The following NRXN1 variants were observed in gnomAD, a reference collection of about 807,000 sequenced individuals.
NRXN1 encodes the protein neurexin 1, also known as neurexin-1.
NRXN1 carries 39 observed loss-of-function variants against 150.9 expected under a neutral mutation model. The ratio of observed to expected loss-of-function variants is 0.26; its 90% CI spans 0.20 to 0.34. NRXN1 has a LOEUF of 0.34. NRXN1 is among the 10% of genes least tolerant of loss of function. The pLI, the probability that NRXN1 is intolerant of heterozygous loss-of-function variation, is 1.00. For missense variants in NRXN1, 1,815 were observed against 1,949.9 expected, an observed-to-expected ratio of 0.93 and a Z score of 1.30; for synonymous variants, 924 against 757.0, an observed-to-expected ratio of 1.22 and a Z score of -3.62.
intron 5 of NRXN1, among the ~76,000 whole-genome samples, chr2:50,735,709 C>G (rs80128776): frequency 3.6e-4 from 55 of 152,228 alleles, no homozygotes; most frequent in Non-Finnish European, 6.5e-4. Context: ...CCAAATGGCT[C>G]ACAAACACAC....
intron 2 of NRXN1, among the ~76,000 whole-genome samples, chr2:50,965,718 A>C (rs1693959677): frequency 6.6e-6 from 1 of 151,478 alleles, no homozygotes; most frequent in African/African-American, 2.4e-5. Context: ...AGAAATTAGC[A>C]GGTCCTAACA....
intron 8 of NRXN1, among the ~76,000 whole-genome samples, chr2:50,617,819 C>G (rs933177283): frequency 6.6e-6 from 1 of 152,076 alleles, no homozygotes; most frequent in Admixed American, 6.6e-5. Flanking sequence ...CTTTATTTAT[C>G]AATTCATAAA....
At chr2:50,226,991 A>C (rs2064446711) in intron 18 of NRXN1, among the ~76,000 whole-genome samples, 1 of 151,948 alleles carries the variant, frequency 6.6e-6, no homozygotes, top group Non-Finnish European at 1.5e-5. Flanking sequence ...AGGAATACTA[A>C]AGTGCACGAA....
chr2:50,158,105 G>GTGTA (rs1465508775), intron 18 of NRXN1, among the ~76,000 whole-genome samples: 10 of 138,260 alleles, frequency 7.2e-5, no homozygotes, highest in Non-Finnish European at 1.6e-4. Context: ...GTGTGTGTGT[G>GTGTA]TGTAGGGGGA....
At chr2:50,792,164 G>T (rs1178097798) in intron 5 of NRXN1, among the ~76,000 whole-genome samples, 2 of 152,032 alleles carry the variant, frequency 1.3e-5, no homozygotes, top group South Asian at 4.1e-4. Flanking sequence ...AATCTCTCTG[G>T]ATATTTATGT....
chr2:50,866,277 T>G (rs1676928594), intron 5 of NRXN1, among the ~76,000 whole-genome samples: 1 of 152,080 alleles, frequency 6.6e-6, no homozygotes, highest in South Asian at 2.1e-4. Flanking sequence ...TTTCAGTTAA[T>G]GTGAAATAAA....
At chr2:50,073,087 G>A (rs764888410) in intron 19 of NRXN1, among the ~76,000 whole-genome samples, 1 of 152,172 alleles carries the variant, frequency 6.6e-6, no homozygotes, top group Non-Finnish European at 1.5e-5. Flanking sequence ...GGAAGAACTT[G>A]ATCTTGAATT....
intron 8 of NRXN1, among the ~76,000 whole-genome samples, chr2:50,567,053 G>A (rs1208347847): frequency 1.3e-5 from 2 of 152,100 alleles, no homozygotes; most frequent in African/African-American, 4.8e-5. Context: ...CTCTCTTGAT[G>A]TCAGGATAAT....
chr2:50,687,331 G>A (rs2104846311), intron 5 of NRXN1, among the ~76,000 whole-genome samples: 1 of 152,214 alleles, frequency 6.6e-6, no homozygotes, highest in East Asian at 1.9e-4. Flanking sequence ...CTACATTCCT[G>A]TCTTCCTACA....
chr2:50,489,851 C>T (rs899467605), intron 15 of NRXN1, among the ~76,000 whole-genome samples: 1 of 150,560 alleles, frequency 6.6e-6, no homozygotes, highest in African/African-American at 2.5e-5. Flanking sequence ...GGGAAGAACT[C>T]CCAAACCAAA....
rs866608279 is a variant in NRXN1, at chr2:50,649,257, C to T, written c.833-25642G>A. ...ACAAGCATGTATACACACATACACACATACACACACACACACACACACACA... is the reference window on the plus strand; with the variant it reads ...ACAAGCATGTATACACACATACACATATACACACACACACACACACACACA... On this transcript the variant is annotated intron_variant, in intron 5 of 22. Transcript: ENST00000401669. Among the ~76,000 whole-genome samples, 125 of 92,730 alleles carry T rather than the reference C, an allele frequency of 1.3e-3. 1 individual carries two copies. The highest frequency in any genetic ancestry group is 4.6e-3 in the African/African-American group (118 of 25,476). 60.8% of individuals were successfully genotyped at this position (92,730 alleles called of 152,430 possible). A position where few individuals can be genotyped will look rare whatever the true frequency, so the allele number is the denominator to read the frequency against.
At chr2:50,440,811 C>G (rs2085886891) in intron 17 of NRXN1, among the ~76,000 whole-genome samples, 2 of 152,082 alleles carry the variant, frequency 1.3e-5, no homozygotes, top group Admixed American at 6.6e-5. Context: ...CTATCATGAT[C>G]TTTATGTTTA....
At chr2:50,221,333 T>C (rs567030439) in intron 18 of NRXN1, among the ~76,000 whole-genome samples, 14 of 152,174 alleles carry the variant, frequency 9.2e-5, no homozygotes, top group African/African-American at 3.4e-4. Context: ...CTCAGTACCA[T>C]GTGTTACCAC....
At chr2:50,161,497 G>A (rs1456937648) in intron 18 of NRXN1, among the ~76,000 whole-genome samples, 1 of 152,104 alleles carries the variant, frequency 6.6e-6, no homozygotes, top group African/African-American at 2.4e-5. Context: ...TTGGGTAAGG[G>A]GCATCCTTAC....
At chr2:50,335,818 A>G (rs1250389121) in intron 17 of NRXN1, among the ~76,000 whole-genome samples, 1 of 151,178 alleles carries the variant, frequency 6.6e-6, no homozygotes, top group African/African-American at 2.5e-5. Context: ...AAATCAGTCT[A>G]GAATGATAAG....
At chr2:50,546,079 C>T (rs2093487238) in intron 9 of NRXN1, among the ~76,000 whole-genome samples, 1 of 151,998 alleles carries the variant, frequency 6.6e-6, no homozygotes, top group Non-Finnish European at 1.5e-5. Flanking sequence ...GGGGCCGGGC[C>T]GACTGTATAC....
intron 2 of NRXN1, among the ~76,000 whole-genome samples, chr2:50,956,418 T>C (rs541630567): frequency 6.6e-6 from 1 of 152,212 alleles, no homozygotes; most frequent in South Asian, 2.1e-4. Context: ...AGCTACTTAC[T>C]CACTAACGTG....
At chr2:50,418,487 C>G (rs1054268546) in intron 17 of NRXN1, among the ~76,000 whole-genome samples, 2 of 151,982 alleles carry the variant, frequency 1.3e-5, no homozygotes, top group Non-Finnish European at 2.9e-5. Context: ...GTGACTGGAA[C>G]GGAGAAAGGG....
chr2:50,610,901 C>T (rs375279607), intron 8 of NRXN1, among the ~76,000 whole-genome samples: 6 of 148,928 alleles, frequency 4.0e-5, no homozygotes, highest in Admixed American at 1.4e-4. Flanking sequence ...TAAGCAAGCA[C>T]GTTTCACTAA....
Sources: allele counts gnomAD v4.1 joint callset (sites outside exome capture counted in the v4.1 genomes callset), GRCh38; gene constraint gnomAD v4.1.1; transcripts MANE v1.5; gene names NCBI Gene and HGNC (gene_info 2026-07-23, HGNC 2026-07-21).